Variants in CIMIP2A observed in about 807,000 individuals in gnomAD.
CIMIP2A encodes the protein family with sequence similarity 166 member A.
chr9:137,244,326 G>T, the CIMIP2A span: 4 of 1,612,054 alleles, frequency 2.5e-6, no homozygotes, highest in South Asian at 4.4e-5. Flanking sequence ...CTCCCTCCCC[G>T]GCAGGCAAAC....
At chr9:137,251,652 T>C in the CIMIP2A span, 4 of 1,474,792 alleles carry the variant, frequency 2.7e-6, no homozygotes, top group African/African-American at 5.8e-5. Context: ...AGCCGGGGGC[T>C]GAGGGACAAT....
At chr9:137,244,956 TC>T in the CIMIP2A span, 2 of 1,601,426 alleles carry the variant, frequency 1.2e-6, no homozygotes, top group African/African-American at 1.3e-5. Flanking sequence ...GCAGAGGAGG[TC>T]CCCCCAGGCC....
the CIMIP2A span, chr9:137,245,480 C>A: frequency 6.2e-7 from 1 of 1,613,864 alleles, no homozygotes; most frequent in Non-Finnish European, 8.5e-7. Flanking sequence ...ATGTTCTCTA[C>A]CCCTGGCGGC....
At chr9:137,246,174 G>T in the CIMIP2A span, among the ~76,000 whole-genome samples, 1 of 152,228 alleles carries the variant, frequency 6.6e-6, no homozygotes, top group Non-Finnish European at 1.5e-5. Context: ...GGGGTGCTCT[G>T]CCCTGGCAAA....
At chr9:137,253,562 T>G in the CIMIP2A span, 8 of 1,329,118 alleles carry the variant, frequency 6.0e-6, no homozygotes, top group Non-Finnish European at 7.9e-6. Context: ...ATTTCCGGCT[T>G]TCCCTGTTGA....
chr9:137,243,627 C>T, the CIMIP2A span: 39 of 1,613,344 alleles, frequency 2.4e-5, 1 homozygote, highest in East Asian at 4.2e-4. Flanking sequence ...GTCCTGTGGC[C>T]TGTCCCACTG....
chr9:137,252,996 GA>G, the CIMIP2A span: 1 of 1,571,050 alleles, frequency 6.4e-7, no homozygotes, highest in Admixed American at 1.8e-5. Flanking sequence ...GAGGGCTAGG[GA>G]TGGGGCATGG....
the CIMIP2A span, among the ~76,000 whole-genome samples, chr9:137,248,563 AAAGAAAG>A: frequency 6.8e-6 from 1 of 146,416 alleles, no homozygotes; most frequent in African/African-American, 2.6e-5. Flanking sequence ...AAAAAAAAAG[AAAGAAAG>A]AAGAAAGGCT....
chr9:137,245,276 T>C, the CIMIP2A span: 4 of 1,574,234 alleles, frequency 2.5e-6, no homozygotes, highest in Admixed American at 3.6e-5. Context: ...CTGAGCGGAA[T>C]GGGCTTGGCA....
chr9:137,251,260 G>C, the CIMIP2A span: 12 of 1,474,988 alleles, frequency 8.1e-6, no homozygotes, highest in South Asian at 1.0e-4. Flanking sequence ...CCGTGGTGCC[G>C]TTGGGGAAGA....
At chr9:137,251,233 A>T in the CIMIP2A span, 1 of 1,189,992 alleles carries the variant, frequency 8.4e-7, no homozygotes, top group Non-Finnish European at 1.3e-6. Context: ...GGGGCCTACC[A>T]GTGAGGTCAC....
At chr9:137,253,061 G>C in the CIMIP2A span, 2 of 1,540,858 alleles carry the variant, frequency 1.3e-6, no homozygotes, top group Middle Eastern at 1.8e-4. Flanking sequence ...CTGGGAGCCA[G>C]GTTTGAGTTG....
chr9:137,252,828 C>T, the CIMIP2A span: 2 of 1,569,496 alleles, frequency 1.3e-6, no homozygotes, highest in Non-Finnish European at 8.6e-7. Context: ...CTGCTTCAGG[C>T]CTCTTTGCAG....
chr9:137,248,940 AAATCTGGT>A, the CIMIP2A span, among the ~76,000 whole-genome samples: 4 of 152,248 alleles, frequency 2.6e-5, no homozygotes, highest in Non-Finnish European at 4.4e-5. Context: ...TGCTATGAAC[AAATCTGGT>A]ATCAGCATAA....
the CIMIP2A span, chr9:137,243,891 G>A: frequency 1.5e-6 from 2 of 1,293,138 alleles, no homozygotes; most frequent in Non-Finnish European, 2.2e-6. Context: ...CTGGGCCCTG[G>A]GTATCTGCTT....
the CIMIP2A span, chr9:137,253,355 C>T: frequency 3.9e-6 from 6 of 1,542,624 alleles, no homozygotes; most frequent in African/African-American, 1.4e-5. Flanking sequence ...GGCCTTCTGA[C>T]CCTCTGGGCA....
the CIMIP2A span, chr9:137,252,670 G>T: frequency 1.3e-6 from 2 of 1,545,408 alleles, no homozygotes; most frequent in South Asian, 1.2e-5. Flanking sequence ...AGTGGCCCTC[G>T]CCAGCCCACT....
At chr9:137,244,999 C>T in the CIMIP2A span, 2 of 1,608,656 alleles carry the variant, frequency 1.2e-6, no homozygotes, top group African/African-American at 2.7e-5. Flanking sequence ...AAAAGTGGGC[C>T]CCTGTGGCAG....
At chr9:137,244,475 G>A in the CIMIP2A span, 38 of 1,497,244 alleles carry the variant, frequency 2.5e-5, no homozygotes, top group Non-Finnish European at 3.4e-5. Flanking sequence ...AGACTCAGGA[G>A]AGAGGGGTTG....
Sources: allele counts gnomAD v4.1 joint callset (sites outside exome capture counted in the v4.1 genomes callset), GRCh38; gene constraint gnomAD v4.1.1; transcripts MANE v1.5; gene names NCBI Gene and HGNC (gene_info 2026-07-23, HGNC 2026-07-21).